SYTL5: variants seen among roughly 807,000 people sequenced by gnomAD.
The protein encoded by SYTL5 is synaptotagmin like 5.
A neutral mutation model predicts 55.9 loss-of-function variants in SYTL5; 34 were observed. The ratio of observed to expected loss-of-function variants is 0.61; its 90% confidence interval spans 0.46 to 0.81. The LOEUF is 0.81. Ranked by LOEUF, SYTL5 falls within the 30% of genes least tolerant of loss-of-function variation. The probability of loss-of-function intolerance (pLI) is 0.00; values close to 1 mark genes in which losing one functional copy is unlikely to be tolerated. For synonymous variants in SYTL5, 221 were observed against 188.7 expected (o/e 1.17, Z -1.40); for missense variants, 637 against 546.7 (o/e 1.17, Z -1.65).
chrX:38,058,053 A>G (rs1254253582), intron 3 of SYTL5, among the ~76,000 whole-genome samples: 1 of 111,488 alleles, frequency 9.0e-6, no homozygotes, highest in South Asian at 3.8e-4. Context: ...ATATTCTCCT[A>G]TGTGATGTTT....
At chrX:37,945,935 G>T in the SYTL5 span, 2 of 165,095 alleles carry the variant, frequency 1.2e-5, no homozygotes, top group South Asian at 3.3e-4. Context: ...TGTAGCTGTG[G>T]AGTATGTAGA....
Position 38,014,631 on chromosome X carries a change from T to G in SYTL5, c.-357+7963T>G, listed in dbSNP as rs757794662. On this transcript the variant is annotated intron_variant, in intron 1 of 16. Coordinates refer to ENST00000297875, the MANE Select transcript of SYTL5 (RefSeq NM_138780.3). ...GCCGTGAGACATCAATCAGTATAGGTAAGATGAACATTGGTTCAGTCAAGA... is the reference window on the plus strand; with the variant it reads ...GCCGTGAGACATCAATCAGTATAGGGAAGATGAACATTGGTTCAGTCAAGA... 4.5e-5 allele frequency among the ~76,000 whole-genome samples: 5 copies of G among 111,619 alleles called. No individual in the cohort carries two copies. The East Asian group carries it at 1.4e-3, about 32-fold the overall frequency.
chrX:38,005,351 T>C (rs1933963059), upstream of SYTL5, among the ~76,000 whole-genome samples: 1 of 111,808 alleles, frequency 8.9e-6, no homozygotes, highest in Non-Finnish European at 1.9e-5. Context: ...AAATATCACC[T>C]ATTGTCATAA....
At chrX:37,895,506 T>TTCTTTC in the SYTL5 span, among the ~76,000 whole-genome samples, 3 of 75,827 alleles carry the variant, frequency 4.0e-5, no homozygotes, top group African/African-American at 5.3e-4. Context: ...CTTTCTTTCT[T>TTCTTTC]TTTCTTTTCT....
intron 15 of SYTL5, among the ~76,000 whole-genome samples, chrX:38,122,498 A>G (rs1394184797): frequency 8.9e-6 from 1 of 112,615 alleles, no homozygotes; most frequent in Non-Finnish European, 1.9e-5. Context: ...TCGAAAGTGG[A>G]CAAAAGTATG....
the SYTL5 span, among the ~76,000 whole-genome samples, chrX:37,944,770 T>G: frequency 8.9e-6 from 1 of 112,617 alleles, no homozygotes; most frequent in Admixed American, 9.4e-5. Context: ...TTAAGGAGAC[T>G]GAGTCTCATT....
the SYTL5 span, among the ~76,000 whole-genome samples, chrX:37,911,867 TA>T: frequency 8.9e-6 from 1 of 112,362 alleles, no homozygotes; most frequent in African/African-American, 3.2e-5. Context: ...TCTATTTGCT[TA>T]ATTTAAAGCA....
At chrX:37,989,665 A>G in the SYTL5 span, among the ~76,000 whole-genome samples, 2 of 111,878 alleles carry the variant, frequency 1.8e-5, no homozygotes, top group African/African-American at 6.5e-5. Context: ...GGAATGGCAA[A>G]GTTATTGGCT....
chrX:37,975,503 T>C, the SYTL5 span, among the ~76,000 whole-genome samples: 1 of 111,118 alleles, frequency 9.0e-6, no homozygotes, highest in Non-Finnish European at 1.9e-5. Flanking sequence ...TAGTTAGGAG[T>C]GGGCAAAGGG....
intron 7 of SYTL5, among the ~76,000 whole-genome samples, chrX:38,092,691 TC>T (rs1407571316): frequency 9.0e-6 from 1 of 111,192 alleles, no homozygotes; most frequent in African/African-American, 3.3e-5. Context: ...AATGTCAGTC[TC>T]CTCCAGCAAC....
the SYTL5 span, among the ~76,000 whole-genome samples, chrX:37,902,889 T>C: frequency 0.011 from 1,185 of 111,820 alleles, 7 homozygotes; most frequent in Non-Finnish European, 0.017. Flanking sequence ...ATGATGCCAT[T>C]ACAAGGGAAA....
chrX:37,997,509 G>A, the SYTL5 span, among the ~76,000 whole-genome samples: 1 of 112,415 alleles, frequency 8.9e-6, no homozygotes, highest in African/African-American at 3.2e-5. Context: ...GCAAAGTCAG[G>A]GCTGATCCCA....
chrX:38,016,553 C>T (rs2147119344), intron 1 of SYTL5, among the ~76,000 whole-genome samples: 1 of 111,984 alleles, frequency 8.9e-6, no homozygotes, highest in East Asian at 2.8e-4. Context: ...CTCCCTAGAG[C>T]TTCAAGCTGC....
chrX:37,987,719 C>T, the SYTL5 span, among the ~76,000 whole-genome samples: 1 of 111,793 alleles, frequency 8.9e-6, no homozygotes, highest in South Asian at 3.7e-4. Flanking sequence ...TAGATATTTG[C>T]CTGACTTTCA....
the SYTL5 span, among the ~76,000 whole-genome samples, chrX:37,907,440 A>G: frequency 8.9e-6 from 1 of 112,403 alleles, no homozygotes; most frequent in African/African-American, 3.2e-5. Flanking sequence ...TTTAGAGTTG[A>G]GTGGAAGCTT....
chrX:37,969,734 G>C, the SYTL5 span, among the ~76,000 whole-genome samples: 2 of 111,205 alleles, frequency 1.8e-5, no homozygotes, highest in Non-Finnish European at 3.8e-5. Flanking sequence ...CTGGGTTCAA[G>C]AGATTCTCCA....
In SYTL5 at chrX:38,070,690, C is replaced by T. The variant is rs780466684; in HGVS notation, c.330-1357C>T. 8.1e-5 allele frequency among the ~76,000 whole-genome samples: 9 copies of T among 111,349 alleles called. No homozygotes were observed. The South Asian group carries it at 3.4e-3, about 42-fold the overall frequency. Reference sequence around the variant, plus strand: ...ATAGAATTCTCCACAAATCCTTTACCGTAGTTACATAGTCCTATTTACTAT... The same window carrying T: ...ATAGAATTCTCCACAAATCCTTTACTGTAGTTACATAGTCCTATTTACTAT... On this transcript the variant is annotated intron_variant, in intron 3 of 16. Transcript: ENST00000297875.
the SYTL5 span, among the ~76,000 whole-genome samples, chrX:37,905,436 T>TG: frequency 0.016 from 131 of 8,224 alleles, 2 homozygotes; most frequent in African/African-American, 0.079. Flanking sequence ...GGTGTGTGTG[T>TG]GTGGGGGGGG....
intron 2 of SYTL5, among the ~76,000 whole-genome samples, chrX:38,039,556 A>ACAAATACTG (rs1404753843): frequency 1.8e-5 from 2 of 112,320 alleles, no homozygotes; most frequent in East Asian, 5.6e-4. Context: ...ACACCTAAAA[A>ACAAATACTG]CAAATACTGT....
Sources: gnomAD v4.1 joint callset for allele counts (sites outside exome capture counted in the v4.1 genomes callset) on GRCh38, gnomAD v4.1.1 for gene constraint, MANE v1.5 for transcripts, NCBI Gene and HGNC (gene_info 2026-07-23, HGNC 2026-07-21) for gene names.